The following ARHGEF37 variants were observed in gnomAD, a reference collection of about 807,000 sequenced individuals.
ARHGEF37 encodes the protein Rho guanine nucleotide exchange factor 37, also known as Rho guanine nucleotide exchange factor (GEF) 37.
Under a neutral mutation model 71.1 loss-of-function variants are expected in ARHGEF37, and 55 were observed. The ratio of observed to expected loss-of-function variants is 0.77; its 90% confidence interval spans 0.62 to 0.97. The LOEUF (loss-of-function observed/expected upper bound fraction) is 0.97, where lower values mean the gene tolerates loss of function less well. ARHGEF37 is among the 50% of genes least tolerant of loss of function. The probability of loss-of-function intolerance (pLI) is 0.00; values close to 1 mark genes in which losing one functional copy is unlikely to be tolerated. For synonymous variants in ARHGEF37, 327 were observed against 350.6 expected (o/e 0.93, Z 0.75); for missense variants, 765 against 836.8 (o/e 0.91, Z 1.06).
At chr5:149,558,169 G>C (rs1269854135) in intron 1 of ARHGEF37, among the ~76,000 whole-genome samples, 6 of 151,864 alleles carry the variant, frequency 4.0e-5, no homozygotes, top group African/African-American at 1.5e-4. Context: ...ACTGTGCTCG[G>C]CCCTTTTTTC....
intron 1 of ARHGEF37, among the ~76,000 whole-genome samples, chr5:149,586,008 TC>T (rs1763227008): frequency 6.6e-6 from 1 of 152,212 alleles, no homozygotes; most frequent in African/African-American, 2.4e-5. Flanking sequence ...ATTCATTAAT[TC>T]AATTAATTGA....
chr5:149,575,506 C>T (rs552017197), intron 1 of ARHGEF37, among the ~76,000 whole-genome samples: 4 of 152,178 alleles, frequency 2.6e-5, no homozygotes, highest in East Asian at 1.9e-4. Context: ...TAGCTATGCA[C>T]GTGGGATACT....
chr5:149,613,688 A>C (rs1404898781), intron 4 of ARHGEF37, among the ~76,000 whole-genome samples: 1 of 151,854 alleles, frequency 6.6e-6, no homozygotes, highest in Non-Finnish European at 1.5e-5. Flanking sequence ...CTGTTCTAGA[A>C]CTTACATTTA....
chr5:149,619,089 C>T (rs1194062250), intron 7 of ARHGEF37, 47 bp downstream of exon 7: 1 of 1,542,046 alleles, frequency 6.5e-7, no homozygotes, highest in Non-Finnish European at 9.0e-7. Context: ...GGCTGGGTTC[C>T]CCTGGCAGGA....
intron 5 of ARHGEF37, among the ~76,000 whole-genome samples, chr5:149,617,777 C>T (rs557948985): frequency 9.8e-5 from 15 of 152,302 alleles, no homozygotes; most frequent in Non-Finnish European, 1.6e-4. Context: ...GAGTCAGGAC[C>T]GGGAAGCGTG....
Position 149,571,243 on chromosome 5 carries a change from AGTTTT to A in ARHGEF37, c.-12+19137_-12+19141del, listed in dbSNP as rs564646114. Among the ~76,000 whole-genome samples the A allele has an allele frequency of 2.6e-5, 4 of 151,672 alleles. No individual in the cohort carries two copies. In the East Asian group the frequency reaches 5.9e-4, roughly 22 times the overall value. ...AGGCATGAGCCACCGCGTCCGGCCA[AGTTTT>A]GTTTTGTTTTGTTTTGCTTCGTTTT... is the stretch of plus-strand genomic sequence containing the variant. On this transcript the variant is annotated intron_variant, in intron 1 of 2. Transcript: ENST00000505810.
chr5:149,575,276 GA>G (rs1763012792), intron 1 of ARHGEF37, among the ~76,000 whole-genome samples: 1 of 152,204 alleles, frequency 6.6e-6, no homozygotes, highest in Non-Finnish European at 1.5e-5. Context: ...TTTCTTTACA[GA>G]CTCGGTAGGA....
At position 149,618,288 on chromosome 5, in the gene ARHGEF37, G is replaced by A. The variant is rs1304395451; in HGVS notation, c.771G>A (p.Glu257=). The change falls in exon 6 of 13, where the codon GAG becomes GAA. Residue 257 remains glutamate, a synonymous_variant. Coordinates refer to ENST00000333677, the MANE Select transcript of ARHGEF37 (RefSeq NM_001001669.3). The part of the protein sequence containing the change: ...TTRLSQLLKQ[E]AGLIPRTEDK... ...GGCTGAGCCAGCTGCTGAAGCAGGAGGCGGGGCTGATCCCCAGGGTGAGCG... is the reference window on the plus strand; with the variant it reads ...GGCTGAGCCAGCTGCTGAAGCAGGAAGCGGGGCTGATCCCCAGGGTGAGCG... 2 of 1,614,098 alleles carry A rather than the reference G, an allele frequency of 1.2e-6. No individual in the cohort carries two copies. Among genetic ancestry groups the A allele is most frequent in the Non-Finnish European group, 1.7e-6 (2 of 1,180,040 alleles).
Position 149,621,892 on chromosome 5 carries a change from G to A in ARHGEF37, c.1165G>A (p.Glu389Lys). ...GGTGGGCAGTGTGACCTACCAGGAG[G>A]AGGCCGCCCGGCACACATACCAGGC... ...LEVGSVTYQEEAARHTYQALN... is the reference protein window; with the variant it reads ...LEVGSVTYQEKAARHTYQALN... The change falls in exon 9 of 13, where the codon GAG (glutamate) becomes AAG (lysine). Residue 389 changes from glutamate (E) to lysine (K), a missense_variant. Physicochemically the swap from Glu to Lys is moderately conservative, Grantham distance 56. This residue lies in a region of ARHGEF37 where 390 missense variants were observed against 407.4 expected (regional missense o/e 0.96). Coordinates refer to ENST00000333677, the MANE Select transcript of ARHGEF37 (RefSeq NM_001001669.3). 6.2e-7 allele frequency: 1 copy of A among 1,614,254 alleles called. No homozygotes were observed. Among genetic ancestry groups the A allele is most frequent in the Non-Finnish European group, 8.5e-7 (1 of 1,180,048 alleles).
chr5:149,627,882 T>TCA (rs1382878347), intron 11 of ARHGEF37, among the ~76,000 whole-genome samples: 38 of 152,336 alleles, frequency 2.5e-4, no homozygotes, highest in Non-Finnish European at 4.1e-4. Flanking sequence ...TGTCAGGGGA[T>TCA]CCACAGACAG....
intron 1 of ARHGEF37, among the ~76,000 whole-genome samples, chr5:149,557,561 C>T (rs1762771274): frequency 6.6e-6 from 1 of 152,094 alleles, no homozygotes; most frequent in African/African-American, 2.4e-5. Context: ...CTCACTGCAG[C>T]GTTAAACTCC....
chr5:149,623,064 G>A (rs370520012), intron 9 of ARHGEF37, among the ~76,000 whole-genome samples: 57 of 152,236 alleles, frequency 3.7e-4, no homozygotes, highest in African/African-American at 1.3e-3. Context: ...TGGCCACTCT[G>A]CACAGACACC....
chr5:149,601,023 G>A (rs745970633), intron 2 of ARHGEF37, 85 bp from the exon 3 acceptor site: 18 of 1,449,628 alleles, frequency 1.2e-5, no homozygotes, highest in Non-Finnish European at 1.6e-5. Context: ...GGAATGGTGT[G>A]AGTGTTCTGT....
At chr5:149,556,631 C>T (rs1762761295) in intron 1 of ARHGEF37, among the ~76,000 whole-genome samples, 1 of 152,136 alleles carries the variant, frequency 6.6e-6, no homozygotes, top group South Asian at 2.1e-4. Flanking sequence ...AGGTGATCCA[C>T]CTGCCTCGGC....
intron 1 of ARHGEF37, among the ~76,000 whole-genome samples, chr5:149,556,491 G>A (rs549706284): frequency 3.3e-5 from 5 of 152,190 alleles, no homozygotes; most frequent in South Asian, 4.2e-4. Context: ...AGGTTCGAGC[G>A]ATTCTCCTGT....
rs919882265 is a variant in ARHGEF37, at chr5:149,582,900, A to T, written c.-12+1276A>T. 2.6e-5 allele frequency among the ~76,000 whole-genome samples: 4 copies of T among 152,256 alleles called. No individual in the cohort carries two copies. In the East Asian group the frequency reaches 5.8e-4, roughly 22 times the overall value. ...TTGGGCTGTATCTGAAATAAAATACAATTTAAAAAATTATAAACATGAAAA... is the reference window on the plus strand; with the variant it reads ...TTGGGCTGTATCTGAAATAAAATACTATTTAAAAAATTATAAACATGAAAA... On this transcript the variant is annotated intron_variant, in intron 1 of 12. Transcript: ENST00000333677.
intron 1 of ARHGEF37, among the ~76,000 whole-genome samples, chr5:149,558,691 ATGTGTG>A (rs58959997): frequency 0.041 from 5,218 of 127,990 alleles, 133 homozygotes; most frequent in South Asian, 0.085. Context: ...CCATATATAT[ATGTGTG>A]TGTGTGTGTG....
intron 7 of ARHGEF37, among the ~76,000 whole-genome samples, 193 bp from the exon 8 acceptor site, chr5:149,620,161 A>T (rs1401523661): frequency 6.6e-6 from 1 of 152,152 alleles, no homozygotes; most frequent in Non-Finnish European, 1.5e-5. Flanking sequence ...GAGGAGAAAG[A>T]TGTTGACTCA....
At chr5:149,601,083 C>T (rs144516331) in intron 2 of ARHGEF37, 25 bp from the exon 3 acceptor site, 3 of 1,603,544 alleles carry the variant, frequency 1.9e-6, no homozygotes, top group African/African-American at 2.7e-5. Context: ...CCAACCACCT[C>T]TCATGGCTTC....
Sources: allele counts gnomAD v4.1 joint callset (sites outside exome capture counted in the v4.1 genomes callset), GRCh38; gene constraint gnomAD v4.1.1; regional missense constraint gnomAD v4.1.1; transcripts MANE v1.5; gene names NCBI Gene and HGNC (gene_info 2026-07-23, HGNC 2026-07-21).